ITPR1: variants seen among roughly 807,000 people sequenced by gnomAD.
ITPR1 encodes inositol 1,4,5-trisphosphate-gated calcium channel ITPR1.
A neutral mutation model predicts 318.4 loss-of-function variants in ITPR1; 96 were observed. The observed-to-expected ratio is 0.30, with a 90% CI of 0.26 to 0.36. The LOEUF is 0.36. Ranked by LOEUF, ITPR1 falls within the 10% of genes least tolerant of loss-of-function variation. The pLI is 1.00. For synonymous variants in ITPR1, 1,312 were observed against 1,289.9 expected, an observed-to-expected ratio of 1.02 and a Z score of -0.37; for missense variants, 2,440 against 3,460.2, an observed-to-expected ratio of 0.71 and a Z score of 7.40.
In ITPR1 at chr3:4,818,255, G is replaced by A; in HGVS notation, c.8028+13G>A. 1 of 1,555,916 alleles carries A rather than the reference G, an allele frequency of 6.4e-7. No individual in the cohort carries two copies. Among genetic ancestry groups the A allele is most frequent in the South Asian group, 1.2e-5 (1 of 84,624 alleles). ...AGAAATGATCAAGGTGAGTGGAAAG[G>A]CCTCCTGGGAGCAAGGTGGACTTGG... On this transcript the variant is annotated intron_variant, in intron 60 of 61. Transcript: ENST00000649015.
At chr3:4,676,921 G>A in intron 24 of ITPR1, 120 bp downstream of exon 24, 2 of 694,406 alleles carry the variant, frequency 2.9e-6, no homozygotes, top group Non-Finnish European at 4.8e-6. Context: ...CAAATCCTTA[G>A]CTCATCCCTC....
At chr3:4,776,909 G>A (rs1413997440) in intron 47 of ITPR1, among the ~76,000 whole-genome samples, 2 of 152,224 alleles carry the variant, frequency 1.3e-5, no homozygotes, top group Non-Finnish European at 2.9e-5. Flanking sequence ...GTGCTTTAGA[G>A]AGAATGGAAC....
chr3:4,626,070 T>A (rs1190000516), intron 4 of ITPR1, among the ~76,000 whole-genome samples: 1 of 152,038 alleles, frequency 6.6e-6, no homozygotes, highest in Non-Finnish European at 1.5e-5. Flanking sequence ...GTCCAGGAGT[T>A]CCAGGCTGTA....
intron 44 of ITPR1, among the ~76,000 whole-genome samples, chr3:4,751,848 C>A (rs896590586): frequency 2.0e-5 from 3 of 152,216 alleles, no homozygotes; most frequent in African/African-American, 7.2e-5. Flanking sequence ...GAAGGCGCCT[C>A]ATGTACACAC....
chr3:4,674,759 G>C (rs1334712044), intron 22 of ITPR1, among the ~76,000 whole-genome samples: 1 of 151,786 alleles, frequency 6.6e-6, no homozygotes, highest in Non-Finnish European at 1.5e-5. Context: ...GTTATTATCT[G>C]TGTCCTTATT....
intron 44 of ITPR1, among the ~76,000 whole-genome samples, chr3:4,740,994 T>G (rs1389290636): frequency 6.6e-6 from 1 of 152,208 alleles, no homozygotes; most frequent in Non-Finnish European, 1.5e-5. Context: ...GCTTATGAAT[T>G]AATTTTTGGC....
At chr3:4,559,618 A>G (rs1433321491) in intron 4 of ITPR1, among the ~76,000 whole-genome samples, 3 of 152,206 alleles carry the variant, frequency 2.0e-5, no homozygotes, top group Non-Finnish European at 2.9e-5. Context: ...GTTTGTGGAC[A>G]TGCCTGCCAA....
At chr3:4,567,788 G>C (rs1418271067) in intron 4 of ITPR1, among the ~76,000 whole-genome samples, 2 of 152,100 alleles carry the variant, frequency 1.3e-5, no homozygotes, top group African/African-American at 2.4e-5. Flanking sequence ...ACTTTTAGTA[G>C]AGATGGGATT....
intron 52 of ITPR1, among the ~76,000 whole-genome samples, chr3:4,788,664 C>A (rs2047357642): frequency 6.6e-6 from 1 of 152,218 alleles, no homozygotes; most frequent in Admixed American, 6.5e-5. Context: ...AGTATCCCAG[C>A]CAGTCAGGTG....
chr3:4,695,815 C>T (rs1308813468), intron 33 of ITPR1, among the ~76,000 whole-genome samples: 2 of 152,166 alleles, frequency 1.3e-5, no homozygotes, highest in African/African-American at 4.8e-5. Flanking sequence ...CATTCTTCTA[C>T]TGATGCTCAT....
intron 8 of ITPR1, among the ~76,000 whole-genome samples, chr3:4,644,667 TCTC>T (rs2093415098): frequency 6.6e-6 from 1 of 152,210 alleles, no homozygotes; most frequent in Admixed American, 6.5e-5. Flanking sequence ...TACATCTACT[TCTC>T]CTCTAAATTA....
At chr3:4,782,549 A>G (rs949276728) in intron 49 of ITPR1, 70 bp from the exon 50 acceptor site, 9 of 1,458,726 alleles carry the variant, frequency 6.2e-6, no homozygotes, top group Middle Eastern at 1.9e-4. Context: ...GCCAGTGTGC[A>G]TGCTGTCCAT....
At position 4,803,145 on chromosome 3, in the gene ITPR1, C is replaced by T. The variant is rs549147657; in HGVS notation, c.7107+2545C>T. 2.2e-4 allele frequency among the ~76,000 whole-genome samples: 34 copies of T among 152,238 alleles called. No individual in the cohort carries two copies. In the South Asian group the frequency reaches 4.1e-3, roughly 19 times the overall value. On this transcript the variant is annotated intron_variant, in intron 54 of 61. Coordinates refer to ENST00000649015, the MANE Select transcript of ITPR1 (RefSeq NM_001378452.1). ...GAACAGGAGGAAGCGGATGGGGAGG[C>T]GCTACACGCTTTTAAACAACCAGCT...
At chr3:4,715,623 C>A (rs147345447) in intron 39 of ITPR1, among the ~76,000 whole-genome samples, 1 of 152,078 alleles carries the variant, frequency 6.6e-6, no homozygotes, top group South Asian at 2.1e-4. Flanking sequence ...GAGGCCGAGG[C>A]GGGTGGATCA....
intron 31 of ITPR1, among the ~76,000 whole-genome samples, chr3:4,690,861 G>T (rs959086273): frequency 1.3e-5 from 2 of 152,176 alleles, no homozygotes; most frequent in Non-Finnish European, 2.9e-5. Context: ...GCATAAAGGA[G>T]ACCTGTTTTG....
intron 5 of ITPR1, among the ~76,000 whole-genome samples, chr3:4,628,129 G>A (rs1321360091): frequency 6.6e-6 from 1 of 152,156 alleles, no homozygotes; most frequent in Non-Finnish European, 1.5e-5. Context: ...TGGAGAAGTG[G>A]TTATGAGTAC....
chr3:4,528,648 T>G (rs537698588), intron 4 of ITPR1, among the ~76,000 whole-genome samples: 1 of 152,234 alleles, frequency 6.6e-6, no homozygotes, highest in East Asian at 1.9e-4. Flanking sequence ...TGACAGGCCT[T>G]TCATAGTAGG....
chr3:4,542,589 G>A (rs1056930337), intron 4 of ITPR1, among the ~76,000 whole-genome samples: 4 of 150,148 alleles, frequency 2.7e-5, no homozygotes, highest in South Asian at 2.1e-4. Flanking sequence ...AACTCTCCTC[G>A]TAGTTCACAA....
chr3:4,558,101 A>G (rs941823893), intron 4 of ITPR1, among the ~76,000 whole-genome samples: 4 of 152,236 alleles, frequency 2.6e-5, no homozygotes, highest in Non-Finnish European at 5.9e-5. Context: ...ATTGGAACGT[A>G]TGCTTAAGAA....
Sources: gnomAD v4.1 joint callset for allele counts (sites outside exome capture counted in the v4.1 genomes callset) on GRCh38, gnomAD v4.1.1 for gene constraint, MANE v1.5 for transcripts, NCBI Gene and HGNC (gene_info 2026-07-23, HGNC 2026-07-21) for gene names.